NTRK1: variants seen among roughly 807,000 people sequenced by gnomAD.
NTRK1 encodes the protein neurotrophic receptor tyrosine kinase 1.
In NTRK1, 62 loss-of-function variants were observed where a neutral mutation model predicts 86.8. That is an observed-to-expected ratio of 0.71 (90% CI 0.58 to 0.88). NTRK1 has a LOEUF of 0.88. Ranked by LOEUF, NTRK1 falls within the 40% of genes least tolerant of loss-of-function variation. NTRK1 has a pLI of 0.00. For missense variants in NTRK1, 967 were observed against 1,078.4 expected, an observed-to-expected ratio of 0.90 and a Z score of 1.45; for synonymous variants, 469 against 456.6, an observed-to-expected ratio of 1.03 and a Z score of -0.35.
At chr1:156,851,865 C>T (rs922529124) in intron 2 of NTRK1, 2 of 1,572,618 alleles carry the variant, frequency 1.3e-6, no homozygotes, top group African/African-American at 2.7e-5. Context: ...TCCCAGGGTG[C>T]CCCCCACCCT....
intron 2 of NTRK1, chr1:156,842,370 C>A: frequency 6.2e-7 from 1 of 1,613,128 alleles, no homozygotes; most frequent in Non-Finnish European, 8.5e-7. Context: ...ACCCTTCTTT[C>A]ACTCCCCAGG....
At chr1:156,865,153 G>A in intron 3 of NTRK1, 1 of 341,634 alleles carries the variant, frequency 2.9e-6, no homozygotes, top group Non-Finnish European at 5.7e-6. Flanking sequence ...ATTTCCCAGG[G>A]ACTCATTGAC....
intron 2 of NTRK1, chr1:156,846,699 T>G (rs867392196): frequency 4.3e-6 from 7 of 1,614,032 alleles, no homozygotes; most frequent in Middle Eastern, 1.6e-4. Flanking sequence ...TCCAGCAGGT[T>G]CCAGCTCTGG....
intron 2 of NTRK1, chr1:156,845,799 G>A: frequency 6.2e-7 from 1 of 1,612,410 alleles, no homozygotes; most frequent in African/African-American, 1.3e-5. Context: ...GTTGTTGCTG[G>A]TGGGCAGCCG....
intron 1 of NTRK1, among the ~76,000 whole-genome samples, chr1:156,819,516 A>ATTTTT (rs1400591328): frequency 6.7e-6 from 1 of 149,200 alleles, no homozygotes; most frequent in Non-Finnish European, 1.5e-5. Context: ...TTTTATTTTT[A>ATTTTT]TTTTTATTTT....
At chr1:156,851,258 T>C (rs1346330728) in intron 2 of NTRK1, 3 of 1,613,064 alleles carry the variant, frequency 1.9e-6, no homozygotes, top group South Asian at 2.2e-5. Context: ...AGGAGTGTAA[T>C]AGAAGGAGCT....
intron 2 of NTRK1, chr1:156,853,758 G>A: frequency 1.3e-6 from 2 of 1,597,962 alleles, no homozygotes; most frequent in African/African-American, 1.3e-5. Context: ...CCACCTCTCT[G>A]GCAGTGGCTG....
intron 2 of NTRK1, chr1:156,852,266 C>T: frequency 4.9e-6 from 7 of 1,424,926 alleles, no homozygotes; most frequent in Non-Finnish European, 6.7e-6. Flanking sequence ...CTGGCCCCAC[C>T]CTGTTTCTCT....
intron 3 of NTRK1, among the ~76,000 whole-genome samples, chr1:156,866,258 G>A (rs760723572): frequency 5.9e-5 from 9 of 152,222 alleles, no homozygotes; most frequent in Admixed American, 4.6e-4. Flanking sequence ...TCCCAGCAGC[G>A]GCAGCCTGGC....
intron 3 of NTRK1, among the ~76,000 whole-genome samples, chr1:156,865,928 C>T (rs374653536): frequency 1.3e-5 from 2 of 152,178 alleles, no homozygotes; most frequent in South Asian, 2.1e-4. Context: ...GTCTATGCAC[C>T]GGGGCTTCAG....
intron 1 of NTRK1, among the ~76,000 whole-genome samples, chr1:156,863,720 G>A (rs1261558687): frequency 6.6e-6 from 1 of 152,128 alleles, no homozygotes; most frequent in Non-Finnish European, 1.5e-5. Flanking sequence ...AGACCAGGCA[G>A]TGGCCCTTGG....
At chr1:156,833,710 G>A (rs762570647) in intron 1 of NTRK1, among the ~76,000 whole-genome samples, 1 of 152,184 alleles carries the variant, frequency 6.6e-6, no homozygotes, top group Non-Finnish European at 1.5e-5. Flanking sequence ...TGCTCTGTGA[G>A]GCTGGGGCTG....
At chr1:156,820,258 A>AT (rs1374388876) in intron 1 of NTRK1, among the ~76,000 whole-genome samples, 1 of 151,890 alleles carries the variant, frequency 6.6e-6, no homozygotes, top group East Asian at 1.9e-4. Flanking sequence ...TTATTTGTTT[A>AT]TTTTTTGAAA....
rs764558977 is a variant in NTRK1 at position 156,864,787 on chromosome 1, G to A, written c.347G>A (p.Arg116Gln). 16 of 1,613,748 alleles carry A rather than the reference G, an allele frequency of 9.9e-6. No individual in the cohort carries two copies. The highest frequency in any genetic ancestry group is 2.2e-5 in the South Asian group (2 of 90,904). ...CCAGATGCCTTCCATTTCACTCCTC[G>A]GCTCAGTCGCCTGTGAGTGTGGCCA... is the stretch of plus-strand genomic sequence containing the variant. ...VAPDAFHFTPRLSRLNLSFNA... is the reference protein window; with the variant it reads ...VAPDAFHFTPQLSRLNLSFNA... The change falls in exon 3 of 17, where the codon CGG becomes CAG. Residue 116 changes from arginine to glutamine, a missense_variant. Physicochemically the swap from Arg to Gln is conservative, Grantham distance 43 (BLOSUM62 1). Around this residue, in one of 2 missense-constraint regions of NTRK1, gnomAD observed 330 missense variants for 302.0 expected, o/e 1.09. Coordinates refer to ENST00000524377, the MANE Select transcript of NTRK1 (RefSeq NM_002529.4).
intron 2 of NTRK1, chr1:156,843,407 C>T (rs770810483): frequency 1.9e-5 from 31 of 1,613,058 alleles, no homozygotes; most frequent in Non-Finnish European, 2.0e-5. Flanking sequence ...CACCACCTGT[C>T]CACCCACTCC....
intron 1 of NTRK1, among the ~76,000 whole-genome samples, chr1:156,822,246 C>G (rs1408031561): frequency 6.6e-6 from 1 of 152,164 alleles, no homozygotes; most frequent in Non-Finnish European, 1.5e-5. Flanking sequence ...GGTGACATTC[C>G]TAGTTTCTTA....
intron 2 of NTRK1, among the ~76,000 whole-genome samples, chr1:156,849,667 A>G (rs563381339): frequency 6.6e-6 from 1 of 152,136 alleles, no homozygotes; most frequent in African/African-American, 2.4e-5. Context: ...AAGTCACCCC[A>G]TCTTTTGGTT....
chr1:156,864,761 G>T lies in NTRK1; in HGVS notation c.321G>T (p.Ala107=), dbSNP rs774351278. The T allele has an allele frequency of 5.0e-6, 8 of 1,614,064 alleles. No homozygotes were observed. The highest frequency in any genetic ancestry group is 4.0e-5 in the African/African-American group (3 of 75,024). ...TGAAGAGTGGTCTCCGTTTCGTGGC[G>T]CCAGATGCCTTCCATTTCACTCCTC... is the stretch of plus-strand genomic sequence containing the variant. ...TIVKSGLRFV[A]PDAFHFTPRL... is the part of the protein sequence containing the mutation. Residue 107 remains alanine, a synonymous_variant, in exon 3 of 17, where the codon GCG becomes GCT. Coordinates refer to ENST00000524377, the MANE Select transcript of NTRK1 (RefSeq NM_002529.4).
chr1:156,845,583 C>A (rs766036955), intron 2 of NTRK1: 5 of 1,530,604 alleles, frequency 3.3e-6, no homozygotes, highest in South Asian at 1.2e-5. Context: ...AGGCCCCACT[C>A]ATCAGACCCT....
Sources: allele counts gnomAD v4.1 joint callset (sites outside exome capture counted in the v4.1 genomes callset), GRCh38; gene constraint gnomAD v4.1.1; regional missense constraint gnomAD v4.1.1; transcripts MANE v1.5; gene names NCBI Gene and HGNC (gene_info 2026-07-23, HGNC 2026-07-21).